The following RGS8 variants were observed in gnomAD, a reference collection of about 807,000 sequenced individuals.
RGS8 encodes regulator of G protein signaling 8, also known as regulator of G-protein signaling 8.
A neutral mutation model predicts 21.7 loss-of-function variants in RGS8; 8 were observed. That is an observed-to-expected ratio of 0.37 (90% CI 0.22 to 0.66). RGS8 has a LOEUF of 0.66. Among genes scored for constraint, RGS8 ranks in the 30% least tolerant of loss-of-function variants. The pLI is 0.59. For synonymous variants in RGS8, 80 were observed against 83.6 expected, an observed-to-expected ratio of 0.96 and a Z score of 0.24; for missense variants, 157 against 217.9, an observed-to-expected ratio of 0.72 and a Z score of 1.76.
intron 5 of RGS8, among the ~76,000 whole-genome samples, chr1:182,664,421 A>G (rs1410739995): frequency 6.6e-6 from 1 of 152,176 alleles, no homozygotes; most frequent in Non-Finnish European, 1.5e-5. Context: ...CTCCATCACT[A>G]TTTTAGAATG....
Position 182,671,663 on chromosome 1 carries a change from TG to T in RGS8, c.-111del. 6.2e-7 allele frequency: 1 copy of T among 1,614,144 alleles called. No individual in the cohort carries two copies. Among genetic ancestry groups the T allele is most frequent in the Non-Finnish European group, 8.5e-7 (1 of 1,179,972 alleles). On this transcript the variant is annotated 5_prime_UTR_variant, in exon 2 of 7. It removes the in-frame stop codon of an upstream open reading frame in the 5' UTR. Transcript: ENST00000483095. ...AAGCAAAGGCAATACTCACTGTCTTTGGCCAGTCCTCATGGCCTGAGGGTCT... is the reference window on the plus strand; with the variant it reads ...AAGCAAAGGCAATACTCACTGTCTTTGCCAGTCCTCATGGCCTGAGGGTCT...
At chr1:182,696,365 G>T in the RGS8 span, among the ~76,000 whole-genome samples, 1 of 151,854 alleles carries the variant, frequency 6.6e-6, no homozygotes, top group South Asian at 2.1e-4. Flanking sequence ...CTCAATAACT[G>T]CTCAGAGACT....
Position 182,647,648 on chromosome 1 carries a change from T to C in RGS8, c.360+489A>G, listed in dbSNP as rs138685631. 3.9e-5 allele frequency among the ~76,000 whole-genome samples: 6 copies of C among 152,342 alleles called. No individual in the cohort carries two copies. The East Asian group carries it at 1.2e-3, about 29-fold the overall frequency. ...ATTGTAATTACTCATTAATGAGCAG[T>C]GGCAAATACTGAACAGGTGCTTTAT... On this transcript the variant is annotated intron_variant, in intron 6 of 6. Coordinates refer to ENST00000483095, the Ensembl canonical transcript of RGS8.
intron 5 of RGS8, among the ~76,000 whole-genome samples, chr1:182,661,163 C>T (rs1663568475): frequency 6.6e-6 from 1 of 151,552 alleles, no homozygotes; most frequent in African/African-American, 2.4e-5. Context: ...CAACCATTAT[C>T]TCAAAAGGGG....
the RGS8 span, among the ~76,000 whole-genome samples, chr1:182,694,961 A>G: frequency 2.6e-5 from 4 of 152,224 alleles, no homozygotes; most frequent in Non-Finnish European, 5.9e-5. Flanking sequence ...ATATAGGTAC[A>G]CAGAAATTGA....
At chr1:182,744,166 T>A in the RGS8 span, among the ~76,000 whole-genome samples, 1 of 152,152 alleles carries the variant, frequency 6.6e-6, no homozygotes, top group Non-Finnish European at 1.5e-5. Flanking sequence ...ATGTTGTTTG[T>A]TTGTTTTTTG....
chr1:182,698,378 T>C, the RGS8 span, among the ~76,000 whole-genome samples: 1 of 152,230 alleles, frequency 6.6e-6, no homozygotes, highest in Non-Finnish European at 1.5e-5. Context: ...GCTGTGACTT[T>C]AGGCAAGTAA....
chr1:182,739,098 T>C, the RGS8 span, among the ~76,000 whole-genome samples: 100 of 152,340 alleles, frequency 6.6e-4, 2 homozygotes, highest in Non-Finnish European at 8.8e-5. Flanking sequence ...CTGACATTTA[T>C]GGCTTCTTTC....
intron 5 of RGS8, among the ~76,000 whole-genome samples, chr1:182,663,594 TCA>T (rs139936631): frequency 0.011 from 1,653 of 152,280 alleles, 30 homozygotes; most frequent in African/African-American, 0.038. Flanking sequence ...AGTGGTGTGA[TCA>T]CAGATCACTG....
At chr1:182,750,884 G>T in the RGS8 span, among the ~76,000 whole-genome samples, 1 of 152,142 alleles carries the variant, frequency 6.6e-6, no homozygotes, top group Non-Finnish European at 1.5e-5. Context: ...ACTTAAGGCA[G>T]AATGTAATAC....
upstream of RGS8, among the ~76,000 whole-genome samples, chr1:182,685,317 A>T (rs1188312808): frequency 6.6e-6 from 1 of 152,208 alleles, no homozygotes; most frequent in East Asian, 1.9e-4. Context: ...TCAGGACAAA[A>T]CCTCTTGGAC....
intron 1 of RGS8, among the ~76,000 whole-genome samples, chr1:182,680,614 AAGC>A (rs1394818458): frequency 8.4e-6 from 1 of 119,504 alleles, no homozygotes; most frequent in East Asian, 2.8e-4. Flanking sequence ...CAAGGGCAGA[AAGC>A]ATGGGTTCAT....
chr1:182,751,915 T>C, the RGS8 span, among the ~76,000 whole-genome samples: 2 of 152,208 alleles, frequency 1.3e-5, no homozygotes, highest in African/African-American at 2.4e-5. Flanking sequence ...CTGGTTGTTT[T>C]TGTTTTATTT....
intron 1 of RGS8, among the ~76,000 whole-genome samples, chr1:182,682,491 A>G (rs1474520048): frequency 1.3e-5 from 2 of 152,098 alleles, no homozygotes; most frequent in Non-Finnish European, 2.9e-5. Flanking sequence ...TGTTCTAGGA[A>G]GTTGGGAGAA....
chr1:182,670,217 G>A (rs1664088737), intron 2 of RGS8, among the ~76,000 whole-genome samples: 1 of 152,192 alleles, frequency 6.6e-6, no homozygotes, highest in Non-Finnish European at 1.5e-5. Context: ...GGGAAAGTGG[G>A]AGTGGGAGGG....
At chr1:182,660,201 T>G (rs1663519291) in intron 5 of RGS8, among the ~76,000 whole-genome samples, 1 of 152,196 alleles carries the variant, frequency 6.6e-6, no homozygotes. Context: ...CTCTCACAAC[T>G]GTACAAGGTA....
chr1:182,736,916 T>A, the RGS8 span, among the ~76,000 whole-genome samples: 1 of 152,218 alleles, frequency 6.6e-6, no homozygotes, highest in African/African-American at 2.4e-5. Context: ...TATTATTTCC[T>A]GCAGCTGCTA....
intron 5 of RGS8, among the ~76,000 whole-genome samples, chr1:182,650,691 T>C (rs1317761024): frequency 6.6e-6 from 1 of 152,094 alleles, no homozygotes; most frequent in Non-Finnish European, 1.5e-5. Flanking sequence ...CAAAACCCTA[T>C]CTCTACAAAA....
the RGS8 span, among the ~76,000 whole-genome samples, chr1:182,735,035 T>C: frequency 6.6e-6 from 1 of 152,354 alleles, no homozygotes; most frequent in African/African-American, 2.4e-5. Context: ...TACATTCTCT[T>C]TTTTTAATAC....
Sources: allele counts gnomAD v4.1 joint callset (sites outside exome capture counted in the v4.1 genomes callset), GRCh38; gene constraint gnomAD v4.1.1; transcripts MANE v1.5; gene names NCBI Gene and HGNC (gene_info 2026-07-23, HGNC 2026-07-21).